SCRN1: variants seen among roughly 807,000 people sequenced by gnomAD.
SCRN1 encodes secernin 1.
In SCRN1, 19 loss-of-function variants were observed where a neutral mutation model predicts 43.3. The observed-to-expected ratio is 0.44, with a 90% CI of 0.31 to 0.64. The LOEUF is 0.64. Among genes scored for constraint, SCRN1 ranks in the 30% least tolerant of loss-of-function variants. The pLI is 0.09. For missense variants in SCRN1, 447 were observed against 524.1 expected, an observed-to-expected ratio of 0.85 and a Z score of 1.44; for synonymous variants, 183 against 188.9, an observed-to-expected ratio of 0.97 and a Z score of 0.26.
intron 6 of SCRN1, 144 bp from the exon 7 acceptor site, chr7:29,926,776 AAG>A (rs1786976472): frequency 1.5e-6 from 1 of 665,422 alleles, no homozygotes. Context: ...GGTGAGTGCC[AAG>A]AGAGACATAA....
At chr7:29,924,849 T>G (rs1786888571) in intron 7 of SCRN1, among the ~76,000 whole-genome samples, 1 of 152,208 alleles carries the variant, frequency 6.6e-6, no homozygotes, top group South Asian at 2.1e-4. Flanking sequence ...AGCTTTCATT[T>G]GCCCCATGAG....
rs150490318 is a variant in SCRN1 at position 29,935,528 on chromosome 7, G to A, written c.905+1028C>T. On this transcript the variant is annotated intron_variant, in intron 6 of 7. Transcript: ENST00000242059. ...ACCAGAGAACCTACTGGAATGGGCA[G>A]GCTTCTAGAGCCTTCTAGGCTGAGG... Among the ~76,000 whole-genome samples, 471 of 152,352 alleles carry A rather than the reference G, an allele frequency of 3.1e-3. 4 individuals are homozygous for A. The highest frequency in any genetic ancestry group is 0.022 in the Admixed American group (332 of 15,298).
At chr7:29,957,280 G>A (rs1788166208) in intron 2 of SCRN1, among the ~76,000 whole-genome samples, 1 of 152,170 alleles carries the variant, frequency 6.6e-6, no homozygotes, top group Non-Finnish European at 1.5e-5. Context: ...CTTTTGGCTG[G>A]GGAGGAAGGC....
intron 1 of SCRN1, among the ~76,000 whole-genome samples, chr7:29,981,296 C>T (rs1354738923): frequency 6.6e-6 from 1 of 152,108 alleles, no homozygotes; most frequent in Non-Finnish European, 1.5e-5. Context: ...AGATGAGTTA[C>T]TAAAATATAT....
chr7:29,956,597 C>A (rs1424143971), intron 2 of SCRN1, among the ~76,000 whole-genome samples: 1 of 152,198 alleles, frequency 6.6e-6, no homozygotes, highest in Non-Finnish European at 1.5e-5. Context: ...AATCGCTAAA[C>A]CTCAGGTAAG....
At chr7:29,942,704 C>T (rs991578386) in intron 4 of SCRN1, among the ~76,000 whole-genome samples, 1 of 152,140 alleles carries the variant, frequency 6.6e-6, no homozygotes, top group Non-Finnish European at 1.5e-5. Context: ...TAGGTGGGTA[C>T]ATGCTGGGCA....
At chr7:29,926,760 T>TG in intron 6 of SCRN1, 128 bp from the exon 7 acceptor site, 1 of 482,664 alleles carries the variant, frequency 2.1e-6, no homozygotes, top group Non-Finnish European at 3.6e-6. Flanking sequence ...GGGTGACGGG[T>TG]GGGTGGGTGA....
At chr7:29,959,682 T>C (rs1788244152) in intron 2 of SCRN1, among the ~76,000 whole-genome samples, 1 of 152,198 alleles carries the variant, frequency 6.6e-6, no homozygotes, top group East Asian at 1.9e-4. Context: ...AAGAAGGTGC[T>C]GAGATCAGAG....
chr7:29,942,276 G>A (rs117618041), intron 4 of SCRN1, among the ~76,000 whole-genome samples: 3,855 of 152,286 alleles, frequency 0.025, 82 homozygotes, highest in Non-Finnish European at 0.043. Context: ...TTTGGGAGAC[G>A]GAGTGCATTA....
At chr7:29,947,537 G>A (rs1420553884) in intron 3 of SCRN1, among the ~76,000 whole-genome samples, 1 of 152,174 alleles carries the variant, frequency 6.6e-6, no homozygotes, top group Non-Finnish European at 1.5e-5. Flanking sequence ...AGAAAGGTGG[G>A]CCTAGTATTC....
At chr7:29,939,078 A>C (rs572182076) in intron 5 of SCRN1, among the ~76,000 whole-genome samples, 2 of 152,266 alleles carry the variant, frequency 1.3e-5, no homozygotes, top group South Asian at 4.1e-4. Context: ...TTTAATTAAA[A>C]AAATTTTGAT....
At chr7:29,979,383 A>T (rs1788932984) in intron 1 of SCRN1, among the ~76,000 whole-genome samples, 1 of 152,206 alleles carries the variant, frequency 6.6e-6, no homozygotes, top group Non-Finnish European at 1.5e-5. Flanking sequence ...AGAAAAAAAA[A>T]TTCATGAACA....
At chr7:29,958,125 A>G (rs1017580778) in intron 2 of SCRN1, among the ~76,000 whole-genome samples, 2 of 152,186 alleles carry the variant, frequency 1.3e-5, no homozygotes, top group Non-Finnish European at 2.9e-5. Flanking sequence ...ATCCCTTCAC[A>G]GGCCCCGAGC....
chr7:29,944,573 C>T (rs868386050), intron 3 of SCRN1, among the ~76,000 whole-genome samples: 17 of 149,072 alleles, frequency 1.1e-4, no homozygotes, highest in African/African-American at 4.0e-4. Context: ...TGAGGTGGTA[C>T]GATCGCTTAA....
chr7:29,928,240 G>A (rs1787035919), intron 6 of SCRN1, among the ~76,000 whole-genome samples: 1 of 152,132 alleles, frequency 6.6e-6, no homozygotes, highest in African/African-American at 2.4e-5. Context: ...CAACAGTATC[G>A]GCTGCAGAAC....
intron 2 of SCRN1, among the ~76,000 whole-genome samples, chr7:29,967,368 C>T (rs1387628656): frequency 6.6e-6 from 1 of 150,498 alleles, no homozygotes; most frequent in African/African-American, 2.4e-5. Context: ...TTTAGAAATA[C>T]TCAAAATAGA....
At chr7:29,987,182 G>A (rs1157070469) in intron 1 of SCRN1, among the ~76,000 whole-genome samples, 1 of 152,114 alleles carries the variant, frequency 6.6e-6, no homozygotes, top group Non-Finnish European at 1.5e-5. Flanking sequence ...TGGCTGTGAA[G>A]GTTCAGATGC....
intron 5 of SCRN1, among the ~76,000 whole-genome samples, chr7:29,939,248 C>G (rs1787450250): frequency 2.0e-5 from 3 of 152,068 alleles, no homozygotes; most frequent in Non-Finnish European, 4.4e-5. Context: ...GGGTCTCACT[C>G]TGTCACCCAG....
At chr7:29,989,969 C>G (rs1789316142), upstream of SCRN1, 9 of 1,319,080 alleles carry the variant, frequency 6.8e-6, no homozygotes, top group Non-Finnish European at 8.8e-6. Flanking sequence ...GGCCTGGGAG[C>G]TGGAGGAGCG....
Sources: gnomAD v4.1 joint callset for allele counts (sites outside exome capture counted in the v4.1 genomes callset) on GRCh38, gnomAD v4.1.1 for gene constraint, MANE v1.5 for transcripts, NCBI Gene and HGNC (gene_info 2026-07-23, HGNC 2026-07-21) for gene names.